NEDD4L: variants seen among roughly 807,000 people sequenced by gnomAD.
NEDD4L encodes the protein NEDD4 like E3 ubiquitin protein ligase.
A neutral mutation model predicts 148.9 loss-of-function variants in NEDD4L; 54 were observed. The observed-to-expected ratio is 0.36, with a 90% CI of 0.29 to 0.45. NEDD4L has a LOEUF of 0.45. NEDD4L is among the 20% of genes least tolerant of loss of function. The pLI, the probability that NEDD4L is intolerant of heterozygous loss-of-function variation, is 1.00. For synonymous variants in NEDD4L, 433 were observed against 440.7 expected (o/e 0.98, Z 0.22); for missense variants, 856 against 1,233.8 (o/e 0.69, Z 4.59).
intron 1 of NEDD4L, among the ~76,000 whole-genome samples, chr18:58,160,572 ATATTT>A (rs971955591): frequency 2.0e-5 from 3 of 152,230 alleles, no homozygotes; most frequent in Non-Finnish European, 4.4e-5. Context: ...CCTTAGCTAA[ATATTT>A]AATTCTACTG....
At chr18:58,315,200 G>A (rs930082712) in intron 5 of NEDD4L, among the ~76,000 whole-genome samples, 1 of 152,088 alleles carries the variant, frequency 6.6e-6, no homozygotes, top group Admixed American at 6.6e-5. Flanking sequence ...AACATCAGAG[G>A]CCATGCCACA....
chr18:58,238,871 T>G (rs4941372), intron 2 of NEDD4L, among the ~76,000 whole-genome samples: 1,840 of 152,320 alleles, frequency 0.012, 94 homozygotes, highest in East Asian at 0.087. Flanking sequence ...TTTTCAATCT[T>G]TGACAATTTG....
At chr18:58,088,913 A>G (rs986204957) in intron 1 of NEDD4L, among the ~76,000 whole-genome samples, 2 of 152,106 alleles carry the variant, frequency 1.3e-5, no homozygotes, top group African/African-American at 4.8e-5. Context: ...GAACTCAACA[A>G]ATATTTATTG....
chr18:58,195,363 C>G (rs1334394638), intron 2 of NEDD4L: 2 of 1,163,614 alleles, frequency 1.7e-6, no homozygotes, highest in African/African-American at 3.2e-5. Flanking sequence ...CTCCTATAGT[C>G]ATTGGCTCTG....
At chr18:58,198,625 C>T (rs1046048015) in intron 2 of NEDD4L, among the ~76,000 whole-genome samples, 3 of 152,142 alleles carry the variant, frequency 2.0e-5, no homozygotes, top group Admixed American at 2.0e-4. Flanking sequence ...ATTGGTTTGG[C>T]TGCTAGTTAT....
intron 1 of NEDD4L, among the ~76,000 whole-genome samples, chr18:58,063,088 C>T (rs1417947541): frequency 1.6e-5 from 2 of 127,104 alleles, no homozygotes; most frequent in African/African-American, 5.9e-5. Context: ...CTCTGTTGCC[C>T]AGGCTGGAGT....
chr18:58,162,893 A>G (rs1216495684), intron 1 of NEDD4L, among the ~76,000 whole-genome samples: 2 of 151,890 alleles, frequency 1.3e-5, no homozygotes, highest in South Asian at 2.1e-4. Context: ...GTGAAACCCC[A>G]TCTCTACTAA....
intron 16 of NEDD4L, among the ~76,000 whole-genome samples, chr18:58,346,212 G>A (rs180683637): frequency 2.0e-5 from 3 of 152,238 alleles, no homozygotes; most frequent in African/African-American, 7.2e-5. Flanking sequence ...ACGTGTATAC[G>A]GGTTGAGTAT....
intron 1 of NEDD4L, among the ~76,000 whole-genome samples, chr18:58,114,935 C>T (rs2085688196): frequency 1.3e-5 from 2 of 152,202 alleles, no homozygotes; most frequent in African/African-American, 4.8e-5. Context: ...CCTTGTGATT[C>T]CATTGTGTCC....
chr18:58,253,155 G>A (rs977912555), intron 5 of NEDD4L, among the ~76,000 whole-genome samples: 3 of 152,156 alleles, frequency 2.0e-5, no homozygotes, highest in East Asian at 1.9e-4. Flanking sequence ...ATAGCTGGAC[G>A]TTAATAGAAT....
chr18:58,303,466 T>C (rs918343789), intron 5 of NEDD4L, among the ~76,000 whole-genome samples: 1 of 152,172 alleles, frequency 6.6e-6, no homozygotes, highest in Non-Finnish European at 1.5e-5. Context: ...GTAGCCTGGC[T>C]CCTTATTCTG....
chr18:58,130,517 G>A (rs1425840473), intron 1 of NEDD4L, among the ~76,000 whole-genome samples: 4 of 125,924 alleles, frequency 3.2e-5, no homozygotes, highest in Non-Finnish European at 5.0e-5. Context: ...TGATCTAGCG[G>A]AACTGTGGCG....
At chr18:58,288,221 A>G (rs1053011686) in intron 5 of NEDD4L, among the ~76,000 whole-genome samples, 9 of 152,244 alleles carry the variant, frequency 5.9e-5, no homozygotes, top group African/African-American at 2.2e-4. Flanking sequence ...ACATGAAGTG[A>G]AGAGAGAGAA....
intron 22 of NEDD4L, among the ~76,000 whole-genome samples, chr18:58,368,440 G>C (rs1387456885): frequency 1.3e-5 from 2 of 152,170 alleles, no homozygotes; most frequent in African/African-American, 2.4e-5. Context: ...TAGGCTTAGA[G>C]ACTTCTAAAA....
At chr18:58,379,136 T>C (rs1601895167) in intron 24 of NEDD4L, among the ~76,000 whole-genome samples, 1 of 152,150 alleles carries the variant, frequency 6.6e-6, no homozygotes, top group Admixed American at 6.5e-5. Flanking sequence ...TGGCTGAAGG[T>C]GGCAAGAATC....
chr18:58,222,381 A>T (rs1181790598), intron 2 of NEDD4L, among the ~76,000 whole-genome samples: 3 of 152,212 alleles, frequency 2.0e-5, no homozygotes, highest in Non-Finnish European at 4.4e-5. Context: ...CCTCGGTATG[A>T]GTAATTTGGC....
intron 10 of NEDD4L, among the ~76,000 whole-genome samples, chr18:58,330,066 A>G (rs2059668638): frequency 6.6e-6 from 1 of 152,188 alleles, no homozygotes; most frequent in Non-Finnish European, 1.5e-5. Context: ...GTTACTTAAA[A>G]CGTTATGAAT....
intron 6 of NEDD4L, among the ~76,000 whole-genome samples, chr18:58,316,940 A>T (rs2058333674): frequency 8.9e-6 from 1 of 111,902 alleles, no homozygotes; most frequent in Non-Finnish European, 1.9e-5. Flanking sequence ...TCTATAAAGT[A>T]AAGTGACTTT....
rs780634748 is a variant in NEDD4L at position 58,329,121 on chromosome 18, C to T, written c.807C>T (p.Val269=). 6.2e-7 allele frequency: 1 copy of T among 1,613,820 alleles called. No individual in the cohort carries two copies. Among genetic ancestry groups the T allele is most frequent in the Non-Finnish European group, 8.5e-7 (1 of 1,179,820 alleles). The change falls in exon 10 of 31, where the codon GTC becomes GTT. Residue 269 remains valine (V), a synonymous_variant. Transcript: ENST00000400345. ...CCGAGCCCTCGGAGGGCGGGGATGT[C>T]CCCGAGGTACGATGTCCCCAGAATG... is the stretch of plus-strand genomic sequence containing the variant. The part of the protein sequence containing the change: ...LEPEPSEGGD[V]PEPWETISEE...
Sources: allele counts gnomAD v4.1 joint callset (sites outside exome capture counted in the v4.1 genomes callset), GRCh38; gene constraint gnomAD v4.1.1; transcripts MANE v1.5; gene names NCBI Gene and HGNC (gene_info 2026-07-23, HGNC 2026-07-21).